The following ZNF521 variants were observed in gnomAD, a reference collection of about 807,000 sequenced individuals.
ZNF521 encodes LYST-interacting protein 3.
ZNF521 carries 14 observed loss-of-function variants against 105.5 expected under a neutral mutation model. That is an observed-to-expected ratio of 0.13 (90% confidence interval 0.09 to 0.21). The LOEUF is 0.21. ZNF521 is among the 10% of genes least tolerant of loss of function. The probability of loss-of-function intolerance (pLI) is 1.00; values close to 1 mark genes in which losing one functional copy is unlikely to be tolerated. For synonymous variants in ZNF521, 635 were observed against 606.0 expected (o/e 1.05, Z -0.70); for missense variants, 1,233 against 1,629.7 (o/e 0.76, Z 4.19).
intron 5 of ZNF521, among the ~76,000 whole-genome samples, chr18:25,107,124 T>C (rs970648183): frequency 6.6e-6 from 1 of 152,232 alleles, no homozygotes; most frequent in African/African-American, 2.4e-5. Context: ...CCATTTCACA[T>C]AGGTTATTAA....
chr18:25,276,660 C>T (rs904850842), intron 3 of ZNF521, among the ~76,000 whole-genome samples: 3 of 152,198 alleles, frequency 2.0e-5, no homozygotes, highest in African/African-American at 7.2e-5. Flanking sequence ...CTGAAACTGA[C>T]CTGTACTTTA....
At chr18:25,116,396 T>A (rs1273102195) in intron 5 of ZNF521, among the ~76,000 whole-genome samples, 1 of 152,158 alleles carries the variant, frequency 6.6e-6, no homozygotes, top group Non-Finnish European at 1.5e-5. Flanking sequence ...ATTCTGGGAA[T>A]CAGTTTATTT....
intron 5 of ZNF521, among the ~76,000 whole-genome samples, chr18:25,092,571 G>T (rs2033768958): frequency 6.6e-6 from 1 of 152,160 alleles, no homozygotes; most frequent in African/African-American, 2.4e-5. Context: ...TGGCAATTTT[G>T]AAGTATCATT....
chr18:25,307,069 A>G (rs1053317322), intron 3 of ZNF521, among the ~76,000 whole-genome samples: 1 of 152,140 alleles, frequency 6.6e-6, no homozygotes, highest in East Asian at 1.9e-4. Flanking sequence ...CAGAGACACA[A>G]CTAATCAATT....
chr18:25,135,713 G>A (rs1454288841), intron 5 of ZNF521, among the ~76,000 whole-genome samples: 1 of 152,128 alleles, frequency 6.6e-6, no homozygotes, highest in Non-Finnish European at 1.5e-5. Flanking sequence ...ACCCCCAGAG[G>A]ACCTAGCTGA....
intron 3 of ZNF521, among the ~76,000 whole-genome samples, chr18:25,313,618 G>T (rs1182184447): frequency 2.0e-5 from 3 of 152,104 alleles, no homozygotes; most frequent in Non-Finnish European, 4.4e-5. Context: ...GTTTTGTGAA[G>T]TATTTTTTTC....
chr18:25,311,653 A>T (rs1181813016), intron 3 of ZNF521, among the ~76,000 whole-genome samples: 1 of 152,184 alleles, frequency 6.6e-6, no homozygotes, highest in African/African-American at 2.4e-5. Context: ...CCACACGGAC[A>T]AACTGACAGC....
intron 7 of ZNF521, among the ~76,000 whole-genome samples, chr18:25,073,247 T>G (rs2033270095): frequency 6.6e-6 from 1 of 152,224 alleles, no homozygotes; most frequent in African/African-American, 2.4e-5. Flanking sequence ...AAGCTTAAAT[T>G]GATAATTGCT....
chr18:25,347,613 G>C (rs1914519854), intron 2 of ZNF521, among the ~76,000 whole-genome samples: 1 of 152,148 alleles, frequency 6.6e-6, no homozygotes, highest in Non-Finnish European at 1.5e-5. Flanking sequence ...TTACACTGAA[G>C]TTTCCTACAA....
chr18:25,101,577 A>G (rs949215756), intron 5 of ZNF521, among the ~76,000 whole-genome samples: 1 of 152,186 alleles, frequency 6.6e-6, no homozygotes, highest in Non-Finnish European at 1.5e-5. Flanking sequence ...TATAGTCAGG[A>G]ATATGAGGAG....
chr18:25,116,871 GTATATATA>G (rs55759335), intron 5 of ZNF521, among the ~76,000 whole-genome samples: 2 of 138,738 alleles, frequency 1.4e-5, no homozygotes, highest in African/African-American at 2.8e-5. Flanking sequence ...ATATATATAC[GTATATATA>G]TATATATACG....
intron 2 of ZNF521, 200 bp from the exon 3 acceptor site, chr18:25,322,387 T>G: frequency 1.4e-6 from 1 of 691,138 alleles, no homozygotes; most frequent in Non-Finnish European, 2.7e-6. Flanking sequence ...AAAGGCCTTC[T>G]TCCCTTTCCC....
At chr18:25,250,978 T>C (rs1035798259) in intron 3 of ZNF521, among the ~76,000 whole-genome samples, 1 of 152,210 alleles carries the variant, frequency 6.6e-6, no homozygotes, top group African/African-American at 2.4e-5. Flanking sequence ...ATATATATGT[T>C]TGACATCATG....
chr18:25,150,821 C>T (rs1002318297), intron 5 of ZNF521, among the ~76,000 whole-genome samples: 5 of 151,962 alleles, frequency 3.3e-5, no homozygotes, highest in East Asian at 1.9e-4. Flanking sequence ...AGTTATATTT[C>T]CCCCCATGTG....
intron 7 of ZNF521, among the ~76,000 whole-genome samples, chr18:25,088,311 G>T (rs1169916159): frequency 2.6e-5 from 4 of 151,828 alleles, no homozygotes; most frequent in African/African-American, 7.2e-5. Context: ...CGCCTCCCGG[G>T]TTCATGCCAT....
chr18:25,263,139 C>G (rs1909022938), intron 3 of ZNF521, among the ~76,000 whole-genome samples: 1 of 152,168 alleles, frequency 6.6e-6, no homozygotes, highest in Admixed American at 6.5e-5. Context: ...TAATCAAAAC[C>G]AAGGTCAGAA....
In ZNF521 at chr18:25,192,701, A is replaced by C. The variant is rs55888878; in HGVS notation, c.3658+2459T>G. On this transcript the variant is annotated intron_variant, in intron 5 of 7. Coordinates refer to ENST00000361524, the MANE Select transcript of ZNF521 (RefSeq NM_015461.3). ...ATTTTTTGATTAGACAAAAAAAAAAAACCACACACAGATACACAACCTAAA... is the reference window on the plus strand; with the variant it reads ...ATTTTTTGATTAGACAAAAAAAAAACACCACACACAGATACACAACCTAAA... Among the ~76,000 whole-genome samples, 37 of 146,104 alleles carry C rather than the reference A, an allele frequency of 2.5e-4. No homozygotes were observed. The South Asian group carries it at 2.6e-3, about 10-fold the overall frequency.
chr18:25,242,591 A>G lies in ZNF521; in HGVS notation c.221-14894T>C, dbSNP rs192295200. On this transcript the variant is annotated intron_variant, in intron 3 of 7. Transcript: ENST00000361524. Reference sequence around the variant, plus strand: ...TTCCTTTCTTACTGGGGAGAATTCAATTATTTAGATGTATAAGATTTAAAT... The same window carrying G: ...TTCCTTTCTTACTGGGGAGAATTCAGTTATTTAGATGTATAAGATTTAAAT... 1.6e-3 allele frequency among the ~76,000 whole-genome samples: 241 copies of G among 152,314 alleles called. 2 individuals carry two copies. The highest frequency in any genetic ancestry group is 2.4e-3 in the Non-Finnish European group (163 of 68,034).
At chr18:25,299,828 G>A (rs1911531249) in intron 3 of ZNF521, among the ~76,000 whole-genome samples, 1 of 152,160 alleles carries the variant, frequency 6.6e-6, no homozygotes, top group African/African-American at 2.4e-5. Context: ...TGGTAGACTT[G>A]GAAGAAATGA....
Sources: gnomAD v4.1 joint callset for allele counts (sites outside exome capture counted in the v4.1 genomes callset) on GRCh38, gnomAD v4.1.1 for gene constraint, MANE v1.5 for transcripts, NCBI Gene and HGNC (gene_info 2026-07-23, HGNC 2026-07-21) for gene names.